CDH4: variants seen among roughly 807,000 people sequenced by gnomAD.
The protein encoded by CDH4 is cadherin 4.
A neutral mutation model predicts 86.0 loss-of-function variants in CDH4; 33 were observed. The ratio of observed to expected loss-of-function variants is 0.38; its 90% CI spans 0.29 to 0.51. The LOEUF (loss-of-function observed/expected upper bound fraction) is 0.51. Among genes scored for constraint, CDH4 ranks in the 20% least tolerant of loss-of-function variants. CDH4 has a pLI of 0.86. For synonymous variants in CDH4, 555 were observed against 549.4 expected, an observed-to-expected ratio of 1.01 and a Z score of -0.14; for missense variants, 1,114 against 1,307.4, an observed-to-expected ratio of 0.85 and a Z score of 2.28.
At chr20:61,636,409 G>C (rs944765085) in intron 2 of CDH4, among the ~76,000 whole-genome samples, 2 of 152,224 alleles carry the variant, frequency 1.3e-5, no homozygotes, top group African/African-American at 4.8e-5. Flanking sequence ...AGACCTGCTA[G>C]GGCTCTTGTT....
chr20:61,636,856 G>A (rs1456235713), intron 2 of CDH4, among the ~76,000 whole-genome samples: 1 of 152,172 alleles, frequency 6.6e-6, no homozygotes, highest in Non-Finnish European at 1.5e-5. Context: ...CTACCACCAG[G>A]CTGCATGGAG....
chr20:61,296,727 C>A (rs2084357217), intron 2 of CDH4, among the ~76,000 whole-genome samples: 1 of 152,184 alleles, frequency 6.6e-6, no homozygotes, highest in Admixed American at 6.5e-5. Flanking sequence ...GAAGGCCAGA[C>A]CCAGGCGTCT....
chr20:61,889,113 A>G (rs920507634), intron 7 of CDH4, among the ~76,000 whole-genome samples: 6 of 152,026 alleles, frequency 3.9e-5, no homozygotes, highest in Admixed American at 2.6e-4. Flanking sequence ...AGCTCATGCT[A>G]TCACTCCCTC....
chr20:61,699,799 T>C (rs1444214296), intron 2 of CDH4, among the ~76,000 whole-genome samples: 5 of 116,410 alleles, frequency 4.3e-5, no homozygotes, highest in African/African-American at 1.6e-4. Context: ...ACCCGGGGCT[T>C]TCACCGCTGA....
At position 61,282,555 on chromosome 20, in the gene CDH4, G is replaced by GCA. The variant is rs1276781566; in HGVS notation, c.169+27618_169+27619insCA. On this transcript the variant is annotated intron_variant, in intron 2 of 15. Transcript: ENST00000614565. ...TGGCATGGTGTGTGTGCATGTGTGTGTGTGTGTGTGTGTGTGTATGTCTAT... is the reference window on the plus strand; with the variant it reads ...TGGCATGGTGTGTGTGCATGTGTGTGCATGTGTGTGTGTGTGTGTATGTCTAT... Among the ~76,000 whole-genome samples the GCA allele has an allele frequency of 3.0e-3, 454 of 150,942 alleles. 7 individuals carry two copies. The South Asian group carries it at 0.038, about 13-fold the overall frequency.
intron 3 of CDH4, among the ~76,000 whole-genome samples, chr20:61,759,657 A>AT (rs138959907): frequency 0.073 from 11,073 of 150,714 alleles, 485 homozygotes; most frequent in South Asian, 0.2. Flanking sequence ...ATTTAATTTA[A>AT]TTTTTTTTTT....
At position 61,866,513 on chromosome 20, in the gene CDH4, G is replaced by C. The variant is rs1983557062; in HGVS notation, c.878-7215G>C. 4.6e-5 allele frequency among the ~76,000 whole-genome samples: 7 copies of C among 152,302 alleles called. No homozygotes were observed. In the East Asian group the frequency reaches 9.7e-4, roughly 21 times the overall value. On this transcript the variant is annotated intron_variant, in intron 6 of 15. Transcript: ENST00000614565. ...CCATCATTATTTTAAAGTAGCTTTT[G>C]CACATTTGACATGTGGAAAATGTCT...
In CDH4 at chr20:61,269,664, G is replaced by A. The variant is rs1449416984; in HGVS notation, c.169+14727G>A. Among the ~76,000 whole-genome samples, 3 of 151,954 alleles carry A rather than the reference G, an allele frequency of 2.0e-5. No homozygotes were observed. The highest frequency in any genetic ancestry group is 2.4e-5 in the African/African-American group (1 of 41,350). On this transcript the variant is annotated intron_variant, in intron 2 of 15. Coordinates refer to ENST00000614565, the MANE Select transcript of CDH4 (RefSeq NM_001794.5). The surrounding 1 kb of genome is among the most constrained non-coding windows in gnomAD (Gnocchi z 5.3). ...ATGTAAACACATCAGGCCCTGCTCCGCCAAGCAGACCCCAGTCCTGCCAGA... is the reference window on the plus strand; with the variant it reads ...ATGTAAACACATCAGGCCCTGCTCCACCAAGCAGACCCCAGTCCTGCCAGA...
intron 2 of CDH4, among the ~76,000 whole-genome samples, chr20:61,713,247 G>A (rs2087912524): frequency 6.6e-6 from 1 of 152,210 alleles, no homozygotes; most frequent in South Asian, 2.1e-4. Flanking sequence ...GGTTCAAGGT[G>A]CACATCCTGT....
intron 2 of CDH4, among the ~76,000 whole-genome samples, chr20:61,743,205 AC>A (rs2088365513): frequency 6.6e-6 from 1 of 152,184 alleles, no homozygotes; most frequent in Non-Finnish European, 1.5e-5. Flanking sequence ...AGTGGGGGGA[AC>A]TGAGGGAATA....
At chr20:61,347,128 C>A (rs1183072460) in intron 2 of CDH4, among the ~76,000 whole-genome samples, 1 of 152,212 alleles carries the variant, frequency 6.6e-6, no homozygotes, top group South Asian at 2.1e-4. Context: ...CTACATTACC[C>A]CTGACTCATG....
intron 2 of CDH4, among the ~76,000 whole-genome samples, chr20:61,562,882 G>C (rs976835955): frequency 2.6e-5 from 4 of 152,216 alleles, no homozygotes; most frequent in Non-Finnish European, 5.9e-5. Flanking sequence ...CGGGACCCCA[G>C]TCCCTGAGTC....
chr20:61,815,554 GA>G (rs922650720), intron 4 of CDH4, among the ~76,000 whole-genome samples: 7 of 152,154 alleles, frequency 4.6e-5, no homozygotes, highest in African/African-American at 7.2e-5. Flanking sequence ...AAAACCACAT[GA>G]AATGAAACTC....
chr20:61,842,924 A>T (rs1982243129), intron 4 of CDH4, among the ~76,000 whole-genome samples: 1 of 152,222 alleles, frequency 6.6e-6, no homozygotes, highest in Non-Finnish European at 1.5e-5. Flanking sequence ...TCGCGTTGTT[A>T]TATTATTATT....
intron 2 of CDH4, among the ~76,000 whole-genome samples, chr20:61,454,122 G>A (rs919187721): frequency 2.0e-5 from 3 of 152,198 alleles, no homozygotes; most frequent in Admixed American, 6.5e-5. Context: ...CCATCCTGGT[G>A]ACCTGTGTGC....
At chr20:61,851,530 C>T (rs1982725515) in intron 5 of CDH4, among the ~76,000 whole-genome samples, 1 of 152,216 alleles carries the variant, frequency 6.6e-6, no homozygotes, top group African/African-American at 2.4e-5. Context: ...CACGGCCACC[C>T]TGGGCTGGGT....
intron 4 of CDH4, among the ~76,000 whole-genome samples, chr20:61,842,500 C>A (rs148301272): frequency 6.6e-6 from 1 of 152,204 alleles, no homozygotes; most frequent in East Asian, 1.9e-4. Context: ...TGAAGTCATA[C>A]GGTATCTCCA....
rs1297403826 is a variant in CDH4, at chr20:61,316,511, T to C, written c.169+61574T>C. Among the ~76,000 whole-genome samples the C allele has an allele frequency of 9.2e-5, 14 of 152,222 alleles. No homozygotes were observed. The South Asian group carries it at 2.5e-3, about 27-fold the overall frequency. On this transcript the variant is annotated intron_variant, in intron 2 of 15. Transcript: ENST00000614565. Reference sequence around the variant, plus strand: ...GAATAAAGTCATCAGCTCCCTCTTATCAGGTTTCTGTCTCTCTCCCTTCCC... The same window carrying C: ...GAATAAAGTCATCAGCTCCCTCTTACCAGGTTTCTGTCTCTCTCCCTTCCC...
At chr20:61,884,223 C>G (rs1356648292) in intron 7 of CDH4, among the ~76,000 whole-genome samples, 1 of 152,150 alleles carries the variant, frequency 6.6e-6, no homozygotes, top group African/African-American at 2.4e-5. Flanking sequence ...GCTAGGGACA[C>G]CGGAGGCCCC....
Sources: allele counts gnomAD v4.1 joint callset (sites outside exome capture counted in the v4.1 genomes callset), GRCh38; gene constraint gnomAD v4.1.1; non-coding constraint Gnocchi (gnomAD v3.1); transcripts MANE v1.5; gene names NCBI Gene and HGNC (gene_info 2026-07-23, HGNC 2026-07-21).